The following GRM1 variants were observed in gnomAD, a reference collection of about 807,000 sequenced individuals.
GRM1 encodes metabotropic glutamate receptor 1.
In GRM1, 33 loss-of-function variants were observed where a neutral mutation model predicts 90.9. The ratio of observed to expected loss-of-function variants is 0.36; its 90% CI spans 0.28 to 0.49. The LOEUF is 0.49. Among genes scored for constraint, GRM1 ranks in the 20% least tolerant of loss-of-function variants. GRM1 has a pLI of 0.99. For synonymous variants in GRM1, 700 were observed against 613.2 expected (o/e 1.14, Z -2.09); for missense variants, 1,190 against 1,534.3 (o/e 0.78, Z 3.75).
At chr6:146,256,942 T>C (rs2114779390) in intron 2 of GRM1, among the ~76,000 whole-genome samples, 1 of 152,296 alleles carries the variant, frequency 6.6e-6, no homozygotes, top group South Asian at 2.1e-4. Flanking sequence ...GCTTTTGTGT[T>C]ACTCCATGCT....
chr6:146,404,909 A>G (rs1315264081), intron 7 of GRM1, among the ~76,000 whole-genome samples: 2 of 152,202 alleles, frequency 1.3e-5, no homozygotes, highest in African/African-American at 4.8e-5. Flanking sequence ...AACAGGTAAA[A>G]ATAAAAGCCT....
chr6:146,402,481 A>T (rs1435418134), intron 7 of GRM1, among the ~76,000 whole-genome samples: 1 of 152,144 alleles, frequency 6.6e-6, no homozygotes, highest in Non-Finnish European at 1.5e-5. Flanking sequence ...AAACAGTCTA[A>T]TATTTTTACA....
chr6:146,266,001 C>T (rs933074268), intron 2 of GRM1, among the ~76,000 whole-genome samples: 15 of 152,028 alleles, frequency 9.9e-5, no homozygotes, highest in East Asian at 3.8e-4. Context: ...CCATCTTGGC[C>T]AACATGGTGA....
At position 146,164,006 on chromosome 6, in the gene GRM1, T is replaced by G. The variant is rs143055628; in HGVS notation, c.950+4409T>G. Among the ~76,000 whole-genome samples the G allele has an allele frequency of 1.1e-4, 16 of 152,274 alleles. No individual in the cohort carries two copies. In the East Asian group the frequency reaches 2.7e-3, roughly 26 times the overall value. On this transcript the variant is annotated intron_variant, in intron 2 of 7. Coordinates refer to ENST00000282753, the MANE Select transcript of GRM1 (RefSeq NM_001278064.2). ...TATGTAGAAGTCAACTTGGAATGAG[T>G]GCTATTTCTCTAAAATTCTAAGTTA... is the stretch of plus-strand genomic sequence containing the variant.
In GRM1 at chr6:146,132,328, G is replaced by A. The variant is rs552166987; in HGVS notation, c.701-27020G>A. The stretch of plus-strand genomic sequence containing the variant: ...AAGGATATGGCAATAGTCAAGGAGC[G>A]AGCCAATGAAGACTTACATTAAGGT... On this transcript the variant is annotated intron_variant, in intron 1 of 7. Transcript: ENST00000282753. Among the ~76,000 whole-genome samples the A allele has an allele frequency of 1.3e-4, 20 of 152,218 alleles. No homozygotes were observed. The East Asian group carries it at 3.7e-3, about 28-fold the overall frequency.
At chr6:146,379,965 ACT>A (rs1562653146) in intron 5 of GRM1, among the ~76,000 whole-genome samples, 1 of 143,760 alleles carries the variant, frequency 7.0e-6, no homozygotes, top group Non-Finnish European at 1.5e-5. Context: ...TCTCTTTCTC[ACT>A]CTCTCTGTTC....
Position 146,434,059 on chromosome 6 carries a change from A to G in GRM1, c.2848A>G (p.Ser950Gly), listed in dbSNP as rs1778507598. 3 of 1,614,168 alleles carry G rather than the reference A, an allele frequency of 1.9e-6. No homozygotes were observed. Among genetic ancestry groups the G allele is most frequent in the African/African-American group, 1.3e-5 (1 of 75,060 alleles). Residue 950 changes from serine to glycine, a missense_variant, in exon 8 of 8, where the codon AGC (serine) becomes GGC (glycine). This residue lies in a region of GRM1 where 400 missense variants were observed against 360.8 expected (regional missense o/e 1.11). Coordinates refer to ENST00000282753, the MANE Select transcript of GRM1 (RefSeq NM_001278064.2). ...SGKSLTFSDTSTKTLYNVEEE... is the reference protein window; with the variant it reads ...SGKSLTFSDTGTKTLYNVEEE... ...CAAGAGCCTGACCTTTTCAGATACC[A>G]GCACCAAGACCCTTTACAACGTAGA... is the stretch of plus-strand genomic sequence containing the variant.
chr6:146,069,568 G>A (rs935860628), intron 1 of GRM1, among the ~76,000 whole-genome samples: 21 of 152,108 alleles, frequency 1.4e-4, no homozygotes, highest in African/African-American at 4.3e-4. Flanking sequence ...TTCAGCTGTA[G>A]TTGGTACCCG....
At position 146,195,359 on chromosome 6, in the gene GRM1, T is replaced by C. The variant is rs536277005; in HGVS notation, c.950+35762T>C. 4.6e-5 allele frequency among the ~76,000 whole-genome samples: 7 copies of C among 152,350 alleles called. No homozygotes were observed. In the South Asian group the frequency reaches 1.2e-3, roughly 27 times the overall value. The stretch of plus-strand genomic sequence containing the variant: ...CCCATAAAAATGAGAACTTCACAGA[T>C]AATAGGAGAAAACTTTTCACCTATC... On this transcript the variant is annotated intron_variant, in intron 2 of 7. Transcript: ENST00000282753.
rs1180970003 is a variant in GRM1 at position 146,423,249 on chromosome 6, G to A, written c.2661-10623G>A. On this transcript the variant is annotated intron_variant, in intron 7 of 7. Coordinates refer to ENST00000282753, the MANE Select transcript of GRM1 (RefSeq NM_001278064.2). ...TGGTTGAATATGTGGTTTTACAATT[G>A]CTAAAAATACCCTGAAGTCAACCTC... 4.6e-5 allele frequency among the ~76,000 whole-genome samples: 7 copies of A among 152,278 alleles called. No homozygotes were observed. In the East Asian group the frequency reaches 1.4e-3, roughly 29 times the overall value.
At chr6:146,297,663 A>G (rs1476983834) in intron 2 of GRM1, among the ~76,000 whole-genome samples, 1 of 152,198 alleles carries the variant, frequency 6.6e-6, no homozygotes, top group Non-Finnish European at 1.5e-5. Flanking sequence ...GGGATTTGTT[A>G]ATGAGTTACT....
rs1053690256 is a variant in GRM1, at chr6:146,316,549, G to T, written c.1186+11703G>T. 4.0e-4 allele frequency among the ~76,000 whole-genome samples: 61 copies of T among 152,178 alleles called. 1 individual carries two copies. The highest frequency in any genetic ancestry group is 8.8e-5 in the Non-Finnish European group (6 of 68,042). On this transcript the variant is annotated intron_variant, in intron 3 of 7. Transcript: ENST00000282753. ...GGCTGATTCTTTAGTGCCTTCTACTGCTGCAGGCTGATTCTGTAGGATATA... is the reference window on the plus strand; with the variant it reads ...GGCTGATTCTTTAGTGCCTTCTACTTCTGCAGGCTGATTCTGTAGGATATA...
At chr6:146,412,535 A>T (rs1366806198) in intron 7 of GRM1, among the ~76,000 whole-genome samples, 4 of 152,184 alleles carry the variant, frequency 2.6e-5, no homozygotes, top group Non-Finnish European at 1.5e-5. Flanking sequence ...ATATGGCATC[A>T]TACTGTTCTA....
chr6:146,215,100 C>T (rs573517107), intron 2 of GRM1, among the ~76,000 whole-genome samples: 2 of 152,292 alleles, frequency 1.3e-5, no homozygotes, highest in South Asian at 4.1e-4. Context: ...CAAAGTTTGT[C>T]ACTCCATATT....
At chr6:146,031,496 T>G (rs1351263776) in intron 1 of GRM1, among the ~76,000 whole-genome samples, 1 of 152,108 alleles carries the variant, frequency 6.6e-6, no homozygotes, top group Non-Finnish European at 1.5e-5. Flanking sequence ...AACATATACT[T>G]TATAAAGGGA....
chr6:146,284,042 T>G (rs997053553), intron 2 of GRM1, among the ~76,000 whole-genome samples: 1 of 152,200 alleles, frequency 6.6e-6, no homozygotes, highest in African/African-American at 2.4e-5. Flanking sequence ...CTGAGTCTTA[T>G]GGAAATGGGC....
At chr6:146,365,660 C>T (rs1356032090) in intron 5 of GRM1, among the ~76,000 whole-genome samples, 1 of 152,154 alleles carries the variant, frequency 6.6e-6, no homozygotes, top group Non-Finnish European at 1.5e-5. Context: ...CCTACCTAGC[C>T]TTGCTCTAGC....
At chr6:146,305,377 CA>C (rs1029027610) in intron 3 of GRM1, among the ~76,000 whole-genome samples, 6 of 152,150 alleles carry the variant, frequency 3.9e-5, no homozygotes. Context: ...ATGCACTACT[CA>C]CTGATGCCAT....
Position 146,384,569 on chromosome 6 carries a change from C to T in GRM1, c.1603-2321C>T, listed in dbSNP as rs575144764. The stretch of plus-strand genomic sequence containing the variant: ...TTTTAAAAAGGAAGAAAAATAAATC[C>T]GCACTCTACACCTTAATGCACACAA... On this transcript the variant is annotated intron_variant, in intron 5 of 7. Coordinates refer to ENST00000282753, the MANE Select transcript of GRM1 (RefSeq NM_001278064.2). Among the ~76,000 whole-genome samples the T allele has an allele frequency of 4.6e-5, 7 of 152,106 alleles. No individual in the cohort carries two copies. The East Asian group carries it at 7.7e-4, about 17-fold the overall frequency.
Sources: allele counts gnomAD v4.1 joint callset (sites outside exome capture counted in the v4.1 genomes callset), GRCh38; gene constraint gnomAD v4.1.1; regional missense constraint gnomAD v4.1.1; transcripts MANE v1.5; gene names NCBI Gene and HGNC (gene_info 2026-07-23, HGNC 2026-07-21).